RGS12: variants seen among roughly 807,000 people sequenced by gnomAD.
The protein encoded by RGS12 is regulator of G protein signaling 12.
A neutral mutation model predicts 120.1 loss-of-function variants in RGS12; 66 were observed. The ratio of observed to expected loss-of-function variants is 0.55; its 90% CI spans 0.45 to 0.67. The LOEUF (loss-of-function observed/expected upper bound fraction) is 0.67. Ranked by LOEUF, RGS12 falls within the 30% of genes least tolerant of loss-of-function variation. RGS12 has a pLI of 0.00. For missense variants in RGS12, 1,859 were observed against 1,957.7 expected (o/e 0.95, Z 0.95); for synonymous variants, 827 against 804.7 (o/e 1.03, Z -0.47).
intron 1 of RGS12, among the ~76,000 whole-genome samples, chr4:3,304,889 T>A (rs1400893911): frequency 6.6e-6 from 1 of 152,242 alleles, no homozygotes; most frequent in Non-Finnish European, 1.5e-5. Flanking sequence ...CGTCTGTAGC[T>A]GCAAGGCTTC....
At chr4:3,335,452 C>G (rs1302745344) in intron 2 of RGS12, among the ~76,000 whole-genome samples, 1 of 152,204 alleles carries the variant, frequency 6.6e-6, no homozygotes, top group Non-Finnish European at 1.5e-5. Context: ...TAAGCCCACC[C>G]TCTATGACAC....
chr4:3,316,833 G>T lies in RGS12; in HGVS notation c.663G>T (p.Leu221Phe), dbSNP rs765508619. ...TAGAAAGTCATGACGATTTTGCATT[G>T]GATGCAAGTATTTTAAACGTGGCGA... ...IGLESHDDFA[L>F]DASILNVAMI... Residue 221 changes from leucine (L) to phenylalanine (F), a missense_variant, in exon 2 of 18, where the codon TTG (leucine) becomes TTT (phenylalanine). Coordinates refer to ENST00000336727, the MANE Select transcript of RGS12 (RefSeq NM_001394154.1). The T allele has an allele frequency of 9.3e-6, 15 of 1,614,158 alleles. No homozygotes were observed. The highest frequency in any genetic ancestry group is 1.3e-5 in the Non-Finnish European group (15 of 1,179,988).
intron 1 of RGS12, among the ~76,000 whole-genome samples, chr4:3,303,901 T>C (rs953421474): frequency 6.6e-5 from 10 of 152,258 alleles, no homozygotes; most frequent in African/African-American, 2.4e-4. Flanking sequence ...CTTTAATTTC[T>C]TCTTTACCTC....
In RGS12 at chr4:3,430,633, C is replaced by T; in HGVS notation, c.3792C>T (p.Val1264=). The change falls in exon 17 of 18, where the codon GTC becomes GTT. Residue 1264 remains valine (V), a synonymous_variant. Coordinates refer to ENST00000336727, the MANE Select transcript of RGS12 (RefSeq NM_001394154.1). ...ASQPGEQWEP[V]QESSDSPSTS... is the part of the protein sequence containing the mutation. ...AGCCTGGCGAGCAGTGGGAGCCAGTCCAGGAGAGCAGCGACAGCCCGTCCA... is the reference window on the plus strand; with the variant it reads ...AGCCTGGCGAGCAGTGGGAGCCAGTTCAGGAGAGCAGCGACAGCCCGTCCA... The T allele has an allele frequency of 3.1e-6, 5 of 1,606,620 alleles. No individual in the cohort carries two copies. The highest frequency in any genetic ancestry group is 3.4e-6 in the Non-Finnish European group (4 of 1,176,518).
intron 3 of RGS12, among the ~76,000 whole-genome samples, chr4:3,364,511 G>T (rs1225843661): frequency 4.6e-5 from 7 of 152,032 alleles, no homozygotes; most frequent in South Asian, 4.2e-4. Flanking sequence ...CCCTCTGCTT[G>T]GGAGAGTTGA....
rs779398141 is a variant in RGS12 at position 3,347,316 on chromosome 4, C to T, written c.1998+4263C>T. 7.2e-5 allele frequency among the ~76,000 whole-genome samples: 11 copies of T among 152,072 alleles called. No homozygotes were observed. The South Asian group carries it at 8.3e-4, about 12-fold the overall frequency. ...AAAATTAGCCGGGCGTGGTGGTGGG[C>T]GCCTGTATTCTCAGCTACTCGGGAG... On this transcript the variant is annotated intron_variant, in intron 3 of 17. Transcript: ENST00000336727.
rs1467693567 is a variant in RGS12 at position 3,317,506 on chromosome 4, A to G, written c.1336A>G (p.Ser446Gly). Residue 446 changes from serine to glycine, a missense_variant, in exon 2 of 18, where the codon AGC (serine) becomes GGC (glycine). Coordinates refer to ENST00000336727, the MANE Select transcript of RGS12 (RefSeq NM_001394154.1). ...GGTCCTTGTGGTGGACCTGGGTGGG[A>G]GCTCGAGCAGACACGGCCCCGGAGG... ...NRVLVVDLGGSSSRHGPGGSA... is the reference protein window; with the variant it reads ...NRVLVVDLGGGSSRHGPGGSA... 3.1e-6 allele frequency: 5 copies of G among 1,612,776 alleles called. No homozygotes were observed. Among genetic ancestry groups the G allele is most frequent in the African/African-American group, 2.7e-5 (2 of 74,872 alleles).
At position 3,372,201 on chromosome 4, in the gene RGS12, C is replaced by CT. The variant is rs769547670; in HGVS notation, c.1999-14214dup. On this transcript the variant is annotated intron_variant, in intron 3 of 17. Coordinates refer to ENST00000336727, the MANE Select transcript of RGS12 (RefSeq NM_001394154.1). This position sits in a 1 kb window ranked among gnomAD's most constrained non-coding sequence, Gnocchi z 4.3. ...CCTGGAGGAAGAGAGCCCTTGTGGT[C>CT]TGTCTGCGCACCCCTCCCAGGGTGC... Among the ~76,000 whole-genome samples, 19 of 152,214 alleles carry CT rather than the reference C, an allele frequency of 1.2e-4. No individual in the cohort carries two copies. The highest frequency in any genetic ancestry group is 2.2e-4 in the Non-Finnish European group (15 of 68,038).
chr4:3,301,801 G>T (rs1341333781), intron 1 of RGS12, among the ~76,000 whole-genome samples: 2 of 152,012 alleles, frequency 1.3e-5, no homozygotes, highest in Admixed American at 1.3e-4. Flanking sequence ...TCCAGGTGGG[G>T]TGATGGGGGA....
At chr4:3,352,541 A>G (rs1714463897) in intron 3 of RGS12, among the ~76,000 whole-genome samples, 1 of 152,224 alleles carries the variant, frequency 6.6e-6, no homozygotes, top group African/African-American at 2.4e-5. Context: ...GATACACATT[A>G]TGGTAAACTA....
chr4:3,409,437 A>G (rs1289595095), intron 4 of RGS12, among the ~76,000 whole-genome samples: 1 of 152,254 alleles, frequency 6.6e-6, no homozygotes, highest in African/African-American at 2.4e-5. Flanking sequence ...ACTTTTGAAC[A>G]TGATGTTAGT....
At chr4:3,361,243 C>T in intron 3 of RGS12, among the ~76,000 whole-genome samples, 1 of 152,146 alleles carries the variant, frequency 6.6e-6, no homozygotes, top group East Asian at 1.9e-4. Flanking sequence ...TTACATGCTT[C>T]ACTGGTAGCA....
chr4:3,357,014 T>G (rs543731437), intron 3 of RGS12, among the ~76,000 whole-genome samples: 1 of 152,328 alleles, frequency 6.6e-6, no homozygotes, highest in East Asian at 1.9e-4. Context: ...CTAATGACAG[T>G]GCACAAGGTT....
chr4:3,368,451 T>TGTGTGTGTGGG (rs781181622), intron 3 of RGS12, among the ~76,000 whole-genome samples: 1 of 109,076 alleles, frequency 9.2e-6, no homozygotes, highest in Non-Finnish European at 1.8e-5. Flanking sequence ...TGTGTGTGTG[T>TGTGTGTGTGGG]GGGGTGCCTT....
chr4:3,292,839 G>T (rs1315664533), upstream of RGS12, among the ~76,000 whole-genome samples: 1 of 151,960 alleles, frequency 6.6e-6, no homozygotes, highest in Non-Finnish European at 1.5e-5. Context: ...TGCTTCCCTG[G>T]CAGTCCCGTT....
At chr4:3,338,801 G>T (rs1316553878) in intron 2 of RGS12, among the ~76,000 whole-genome samples, 1 of 152,206 alleles carries the variant, frequency 6.6e-6, no homozygotes, top group Non-Finnish European at 1.5e-5. Context: ...GAACCAAGTG[G>T]TCTTTTAGGC....
the RGS12 span, among the ~76,000 whole-genome samples, chr4:3,286,154 C>A: frequency 6.6e-6 from 1 of 152,196 alleles, no homozygotes; most frequent in African/African-American, 2.4e-5. Flanking sequence ...GGGTCACCAA[C>A]TGTCTGTTTT....
chr4:3,424,524 G>A (rs186520185), intron 13 of RGS12, among the ~76,000 whole-genome samples: 1 of 152,352 alleles, frequency 6.6e-6, no homozygotes, highest in Non-Finnish European at 1.5e-5. Flanking sequence ...GGGAGACGCT[G>A]CGCAATTGTT....
At chr4:3,313,614 G>A (rs1010137757) in intron 1 of RGS12, among the ~76,000 whole-genome samples, 1 of 152,202 alleles carries the variant, frequency 6.6e-6, no homozygotes, top group African/African-American at 2.4e-5. Context: ...GTGTGACCTG[G>A]CTGATGGCAG....
Sources: allele counts gnomAD v4.1 joint callset (sites outside exome capture counted in the v4.1 genomes callset), GRCh38; gene constraint gnomAD v4.1.1; non-coding constraint Gnocchi (gnomAD v3.1); transcripts MANE v1.5; gene names NCBI Gene and HGNC (gene_info 2026-07-23, HGNC 2026-07-21).